The following DMD variants were observed in gnomAD, a reference collection of about 807,000 sequenced individuals.
DMD encodes mutant dystrophin.
In DMD, 63 loss-of-function variants were observed where a neutral mutation model predicts 330.1. That is an observed-to-expected ratio of 0.19 (90% CI 0.16 to 0.24). The LOEUF is 0.24. Among genes scored for constraint, DMD ranks in the 10% least tolerant of loss-of-function variants. The pLI, the probability that DMD is intolerant of heterozygous loss-of-function variation, is 1.00. For synonymous variants in DMD, 1,223 were observed against 959.8 expected (o/e 1.27, Z -5.07); for missense variants, 3,344 against 2,684.1 (o/e 1.25, Z -5.43).
intron 67 of DMD, 162 bp from the exon 68 acceptor site, chrX:31,183,066 A>C (rs1451010533): frequency 4.3e-6 from 2 of 466,831 alleles, no homozygotes; most frequent in East Asian, 7.5e-5. Flanking sequence ...TTGTTTCTGC[A>C]AATGCTCCCT....
intron 2 of DMD, among the ~76,000 whole-genome samples, chrX:32,925,291 G>A (rs2088897123): frequency 9.3e-6 from 1 of 107,917 alleles, no homozygotes; most frequent in Non-Finnish European, 1.9e-5. Context: ...AGATACTAAC[G>A]TTGTACTGGC....
chrX:32,394,329 C>T (rs940118962), intron 30 of DMD, among the ~76,000 whole-genome samples: 10 of 111,507 alleles, frequency 9.0e-5, no homozygotes, highest in African/African-American at 3.3e-4. Context: ...ATCATGTTAA[C>T]AGTAACCAGG....
chrX:32,624,822 A>G (rs182098896), intron 11 of DMD, among the ~76,000 whole-genome samples: 54 of 112,378 alleles, frequency 4.8e-4, no homozygotes, highest in African/African-American at 1.7e-3. Context: ...ACGTATCTGT[A>G]TGAACATAAA....
chrX:31,925,178 A>G (rs905213779), intron 47 of DMD, among the ~76,000 whole-genome samples: 19 of 111,942 alleles, frequency 1.7e-4, no homozygotes, highest in African/African-American at 6.2e-4. Context: ...TAGTTTTTTT[A>G]AAAGAAAATA....
intron 33 of DMD, among the ~76,000 whole-genome samples, chrX:32,385,023 A>C (rs1015065538): frequency 9.0e-6 from 1 of 111,363 alleles, no homozygotes; most frequent in African/African-American, 3.2e-5. Context: ...TTAAAATTCC[A>C]GTGACATTTT....
intron 61 of DMD, among the ~76,000 whole-genome samples, chrX:31,332,152 G>A (rs773641348): frequency 8.8e-4 from 99 of 112,009 alleles, no homozygotes; most frequent in African/African-American, 3.1e-3. Context: ...TTGTCACACT[G>A]GCAATCTGCC....
intron 16 of DMD, among the ~76,000 whole-genome samples, chrX:32,558,612 C>T (rs1476306891): frequency 9.0e-6 from 1 of 111,164 alleles, no homozygotes; most frequent in Non-Finnish European, 1.9e-5. Flanking sequence ...TAGGAATCTT[C>T]TTCACTAAGT....
intron 48 of DMD, among the ~76,000 whole-genome samples, chrX:31,873,409 G>A (rs2093922235): frequency 9.0e-6 from 1 of 111,701 alleles, no homozygotes; most frequent in African/African-American, 3.3e-5. Flanking sequence ...CCATCTTCCC[G>A]AAACTTTTAC....
intron 57 of DMD, among the ~76,000 whole-genome samples, chrX:31,485,276 C>T (rs1483035242): frequency 8.9e-6 from 1 of 112,206 alleles, no homozygotes; most frequent in Admixed American, 9.4e-5. Context: ...CTTACTGCAA[C>T]CTCTGCCTCC....
At chrX:31,493,540 A>T (rs143488236) in intron 57 of DMD, among the ~76,000 whole-genome samples, 1,174 of 111,811 alleles carry the variant, frequency 0.01, 9 homozygotes, top group Middle Eastern at 0.018. Flanking sequence ...GACACGCAGA[A>T]TTGGAAAAAG....
intron 2 of DMD, among the ~76,000 whole-genome samples, chrX:32,899,702 A>AAAAG (rs1481699950): frequency 2.7e-5 from 3 of 110,661 alleles, no homozygotes; most frequent in Non-Finnish European, 5.7e-5. Flanking sequence ...AAGAAAAAGA[A>AAAAG]AAAGAAAGAA....
At chrX:31,278,729 T>G (rs11798655) in intron 62 of DMD, among the ~76,000 whole-genome samples, 9,542 of 111,739 alleles carry the variant, frequency 0.085, 324 homozygotes, top group African/African-American at 0.097. Context: ...GCTTCCATCT[T>G]GCAGTGAGAC....
intron 15 of DMD, among the ~76,000 whole-genome samples, chrX:32,567,606 T>A (rs1317837069): frequency 8.9e-6 from 1 of 112,298 alleles, no homozygotes; most frequent in East Asian, 2.8e-4. Context: ...CATGTTGGCC[T>A]GGCTGGTCTC....
At chrX:32,001,349 TTA>T (rs1225244974) in intron 44 of DMD, among the ~76,000 whole-genome samples, 1 of 111,052 alleles carries the variant, frequency 9.0e-6, no homozygotes, top group African/African-American at 3.3e-5. Flanking sequence ...TCCTTGACTT[TTA>T]GAGTGACTAA....
intron 18 of DMD, among the ~76,000 whole-genome samples, chrX:32,506,870 T>C (rs1006625844): frequency 6.3e-5 from 7 of 111,847 alleles, no homozygotes; most frequent in East Asian, 2.8e-4. Flanking sequence ...AATTTGTTGG[T>C]TGAACTGAAA....
chrX:32,953,381 G>A (rs2091377659), intron 2 of DMD, among the ~76,000 whole-genome samples: 1 of 111,020 alleles, frequency 9.0e-6, no homozygotes, highest in Non-Finnish European at 1.9e-5. Context: ...TCATACATAC[G>A]TAAAATAGTC....
chrX:31,449,763 G>GATATATATATATATATATATAT (rs59787771), intron 59 of DMD, among the ~76,000 whole-genome samples: 2 of 62,472 alleles, frequency 3.2e-5, no homozygotes, highest in Non-Finnish European at 6.2e-5. Context: ...TAAATGGTGT[G>GATATATATATATATATATATAT]ATATATATAT....
chrX:31,757,514 A>T (rs1400706562), intron 51 of DMD, among the ~76,000 whole-genome samples: 1 of 111,527 alleles, frequency 9.0e-6, no homozygotes, highest in Non-Finnish European at 1.9e-5. Context: ...TTTATTGCTT[A>T]TAGTTCTGGA....
At chrX:32,696,342 T>G (rs2063653818) in intron 9 of DMD, among the ~76,000 whole-genome samples, 1 of 112,216 alleles carries the variant, frequency 8.9e-6, no homozygotes, top group Non-Finnish European at 1.9e-5. Context: ...TATGCTTCCT[T>G]TAGTGACAGA....
Sources: allele counts gnomAD v4.1 joint callset (sites outside exome capture counted in the v4.1 genomes callset), GRCh38; gene constraint gnomAD v4.1.1; transcripts MANE v1.5; gene names NCBI Gene and HGNC (gene_info 2026-07-23, HGNC 2026-07-21).